The following PLEKHA1 variants were observed in gnomAD, a reference collection of about 807,000 sequenced individuals.
PLEKHA1 encodes the protein pleckstrin homology domain-containing family A member 1.
A neutral mutation model predicts 52.0 loss-of-function variants in PLEKHA1; 34 were observed. The ratio of observed to expected loss-of-function variants is 0.65; its 90% confidence interval spans 0.50 to 0.87. PLEKHA1 has a LOEUF of 0.87. PLEKHA1 is among the 40% of genes least tolerant of loss of function. The probability of loss-of-function intolerance (pLI) is 0.00; values close to 1 mark genes in which losing one functional copy is unlikely to be tolerated. For synonymous variants in PLEKHA1, 163 were observed against 170.7 expected (o/e 0.95, Z 0.35); for missense variants, 497 against 504.2 (o/e 0.99, Z 0.14).
At chr10:122,409,784 CTTTT>C (rs745429398) in intron 5 of PLEKHA1, among the ~76,000 whole-genome samples, 1 of 143,050 alleles carries the variant, frequency 7.0e-6, no homozygotes, top group Admixed American at 7.0e-5. Context: ...TCTTTTTATC[CTTTT>C]TTTTTTTTTT....
At chr10:122,389,118 A>T (rs1368614016) in intron 1 of PLEKHA1, among the ~76,000 whole-genome samples, 2 of 152,240 alleles carry the variant, frequency 1.3e-5, no homozygotes, top group East Asian at 3.8e-4. Context: ...AATCCTCTCC[A>T]GAAAATTTTC....
At chr10:122,380,483 A>C (rs145936349) in intron 1 of PLEKHA1, among the ~76,000 whole-genome samples, 2 of 152,252 alleles carry the variant, frequency 1.3e-5, no homozygotes, top group Admixed American at 6.5e-5. Context: ...GATAAGATCT[A>C]AAAGGCAGTG....
rs558998352 is a variant in PLEKHA1 at position 122,380,384 on chromosome 10, C to T, written c.-21+5578C>T. Among the ~76,000 whole-genome samples, 15 of 152,280 alleles carry T rather than the reference C, an allele frequency of 9.9e-5. No homozygotes were observed. The South Asian group carries it at 3.1e-3, about 32-fold the overall frequency. On this transcript the variant is annotated intron_variant, in intron 1 of 11. Coordinates refer to ENST00000368990, the MANE Select transcript of PLEKHA1 (RefSeq NM_001001974.4). ...AGGTAAATAAGTAAACTGTATCATT[C>T]ATTAGATAATCAATAAATGCTAAGG...
At chr10:122,382,336 C>G (rs1246755604) in intron 1 of PLEKHA1, among the ~76,000 whole-genome samples, 2 of 152,112 alleles carry the variant, frequency 1.3e-5, no homozygotes, top group African/African-American at 4.8e-5. Context: ...TATAGATTTG[C>G]CCATTCTGCA....
Position 122,397,957 on chromosome 10 carries a change from C to G in PLEKHA1, c.181C>G (p.Leu61Val), listed in dbSNP as rs1278664601. 6.2e-7 allele frequency: 1 copy of G among 1,609,118 alleles called. No individual in the cohort carries two copies. The highest frequency in any genetic ancestry group is 1.3e-5 in the African/African-American group (1 of 74,936). ...ATCATCACGTGTTGGAGCCATTAAGCTTACCTACATTTCAAAGGTAGTCTT... is the reference window on the plus strand; with the variant it reads ...ATCATCACGTGTTGGAGCCATTAAGGTTACCTACATTTCAAAGGTAGTCTT... ...SGSSRVGAIK[L>V]TYISKVSDAT... is the part of the protein sequence containing the mutation. The change falls in exon 3 of 12, where the codon CTT becomes GTT. Residue 61 changes from leucine (L) to valine (V), a missense_variant. Transcript: ENST00000368990.
At chr10:122,395,538 G>A (rs1306547047) in intron 2 of PLEKHA1, among the ~76,000 whole-genome samples, 1 of 151,774 alleles carries the variant, frequency 6.6e-6, no homozygotes, top group Non-Finnish European at 1.5e-5. Context: ...CTTGACATAA[G>A]CAATTAGATT....
At chr10:122,395,260 G>A (rs959474532) in intron 2 of PLEKHA1, among the ~76,000 whole-genome samples, 5 of 152,020 alleles carry the variant, frequency 3.3e-5, no homozygotes, top group African/African-American at 9.7e-5. Flanking sequence ...TGGCTTTTCT[G>A]GACACAGTGC....
At position 122,428,243 on chromosome 10, in the gene PLEKHA1, TA is replaced by T. The variant is rs976300602; in HGVS notation, c.900+1214del. 2.7e-6 allele frequency: 4 copies of T among 1,501,242 alleles called. No individual in the cohort carries two copies. The African/African-American group carries it at 5.6e-5, about 21-fold the overall frequency. The allele number at this position is 1,501,242 out of a possible 1,614,324, so 93.0% of individuals were successfully genotyped here. A position where few individuals can be genotyped will look rare whatever the true frequency, so the allele number is the denominator to read the frequency against. Reference sequence around the variant, plus strand: ...TTTCCTCCCTCTACCCAGTATAGGTTAACTCTAATCTTAGCTTTGCACTGTG... The same window carrying T: ...TTTCCTCCCTCTACCCAGTATAGGTTACTCTAATCTTAGCTTTGCACTGTG... On this transcript the variant is annotated intron_variant, in intron 11 of 11. Coordinates refer to ENST00000368990, the MANE Select transcript of PLEKHA1 (RefSeq NM_001001974.4).
chr10:122,379,086 A>C (rs565289792), intron 1 of PLEKHA1, among the ~76,000 whole-genome samples: 4 of 152,326 alleles, frequency 2.6e-5, no homozygotes, highest in Non-Finnish European at 5.9e-5. Flanking sequence ...TTTTGGTGAG[A>C]TCTTGCAGGG....
chr10:122,427,179 C>T lies in PLEKHA1; in HGVS notation c.900+148C>T, dbSNP rs1413610982. ...CCAATTGGACTTGCAAAAAATAATG[C>T]ATTTCTAATTTAATGCTTCCTTGTA... On this transcript the variant is annotated intron_variant, in intron 11 of 11. Transcript: ENST00000368990. The T allele has an allele frequency of 1.7e-5, 12 of 694,610 alleles. No individual in the cohort carries two copies. In the Admixed American group the frequency reaches 3.7e-4, roughly 21 times the overall value. 43.0% of individuals were successfully genotyped at this position (694,610 alleles called of 1,614,324 possible). A position where few individuals can be genotyped will look rare whatever the true frequency, so the allele number is the denominator to read the frequency against.
chr10:122,398,422 C>T (rs2096880533), intron 3 of PLEKHA1, among the ~76,000 whole-genome samples: 1 of 151,906 alleles, frequency 6.6e-6, no homozygotes, highest in Non-Finnish European at 1.5e-5. Context: ...CCCCTCTTTT[C>T]ACTTTGTCTC....
intron 1 of PLEKHA1, among the ~76,000 whole-genome samples, chr10:122,389,772 T>C (rs1367483824): frequency 1.3e-5 from 2 of 152,212 alleles, no homozygotes; most frequent in African/African-American, 2.4e-5. Context: ...GATTTTGTTA[T>C]TCCATTTTTA....
intron 4 of PLEKHA1, among the ~76,000 whole-genome samples, chr10:122,401,495 A>C (rs1291701702): frequency 1.6e-5 from 2 of 128,714 alleles, no homozygotes; most frequent in African/African-American, 5.1e-5. Flanking sequence ...ATATGGGGGA[A>C]TTGGAGGGAA....
chr10:122,396,736 A>G (rs2096854276), intron 2 of PLEKHA1, among the ~76,000 whole-genome samples: 1 of 152,116 alleles, frequency 6.6e-6, no homozygotes, highest in Non-Finnish European at 1.5e-5. Context: ...ATAATTTTCA[A>G]AATCAACTAA....
rs17103498 is a variant in PLEKHA1 at position 122,395,441 on chromosome 10, A to G, written c.141+2100A>G. ...AATCAAGACATACCTACTCTTGAAAACTTTAGTAAAATGTCTTGCTAAGAT... is the reference window on the plus strand; with the variant it reads ...AATCAAGACATACCTACTCTTGAAAGCTTTAGTAAAATGTCTTGCTAAGAT... On this transcript the variant is annotated intron_variant, in intron 2 of 11. Coordinates refer to ENST00000368990, the MANE Select transcript of PLEKHA1 (RefSeq NM_001001974.4). Among the ~76,000 whole-genome samples the G allele has an allele frequency of 7.5e-3, 1,138 of 152,114 alleles. 12 individuals carry two copies. The highest frequency in any genetic ancestry group is 0.026 in the African/African-American group (1,075 of 41,504).
chr10:122,435,899 AAG>A (rs1491036407), downstream of PLEKHA1: 5 of 150,924 alleles, frequency 3.3e-5, no homozygotes, highest in South Asian at 2.1e-4. Flanking sequence ...AAAAAAAAAA[AAG>A]AAAAGAAAAA....
Position 122,393,383 on chromosome 10 carries a change from GTTGTA to G in PLEKHA1, c.141+45_141+49del. 1 of 1,554,278 alleles carries G rather than the reference GTTGTA, an allele frequency of 6.4e-7. No homozygotes were observed. The highest frequency in any genetic ancestry group is 2.3e-5 in the East Asian group (1 of 43,736). On this transcript the variant is annotated intron_variant, in intron 2 of 11. Transcript: ENST00000368990. The surrounding 1 kb of genome is among the most constrained non-coding windows in gnomAD (Gnocchi z 4.5). ...GGATTATCTTTTAAAAGCACAGAAAGTTGTATTTAAGTATTTAACATACTATACAG... is the reference window on the plus strand; with the variant it reads ...GGATTATCTTTTAAAAGCACAGAAAGTTTAAGTATTTAACATACTATACAG...
Position 122,427,025 on chromosome 10 carries a change from G to C in PLEKHA1, c.894G>C (p.Ala298=). The change falls in exon 11 of 12, where the codon GCG becomes GCC. Residue 298 remains alanine (A), a synonymous_variant. Coordinates refer to ENST00000368990, the MANE Select transcript of PLEKHA1 (RefSeq NM_001001974.4). ...IVAQRGPGRS[A]SSEHPPGPSE... is the part of the protein sequence containing the mutation. ...CACAGCGGGGTCCCGGCAGATCTGC[G>C]TCTTCTGTAGGTTTCCTGCTCTCTG... The C allele has an allele frequency of 6.2e-7, 1 of 1,613,156 alleles. No homozygotes were observed. The highest frequency in any genetic ancestry group is 8.5e-7 in the Non-Finnish European group (1 of 1,179,196).
chr10:122,395,652 T>C (rs1165446077), intron 2 of PLEKHA1, among the ~76,000 whole-genome samples: 1 of 152,112 alleles, frequency 6.6e-6, no homozygotes, highest in Non-Finnish European at 1.5e-5. Flanking sequence ...AATAACATGG[T>C]TATACTGATC....
Sources: allele counts gnomAD v4.1 joint callset (sites outside exome capture counted in the v4.1 genomes callset), GRCh38; gene constraint gnomAD v4.1.1; non-coding constraint Gnocchi (gnomAD v3.1); transcripts MANE v1.5; gene names NCBI Gene and HGNC (gene_info 2026-07-23, HGNC 2026-07-21).